Variants in NMNAT3 observed in about 807,000 individuals in gnomAD.
NMNAT3 encodes the protein nicotinamide nucleotide adenylyltransferase 3, also known as nicotinamide/nicotinic acid mononucleotide adenylyltransferase 3.
NMNAT3 carries 21 observed loss-of-function variants against 24.8 expected under a neutral mutation model. The observed-to-expected ratio is 0.85, with a 90% CI of 0.60 to 1.22. The LOEUF (loss-of-function observed/expected upper bound fraction) is 1.22. NMNAT3 is among the 50% of genes most tolerant of loss of function. The probability of loss-of-function intolerance (pLI) is 0.00; values close to 1 mark genes in which losing one functional copy is unlikely to be tolerated. For synonymous variants in NMNAT3, 136 were observed against 155.2 expected, an observed-to-expected ratio of 0.88 and a Z score of 0.92; for missense variants, 387 against 436.6, an observed-to-expected ratio of 0.89 and a Z score of 1.01.
intron 1 of NMNAT3, among the ~76,000 whole-genome samples, chr3:139,642,149 G>A (rs979179139): frequency 6.6e-6 from 1 of 152,158 alleles, no homozygotes; most frequent in Non-Finnish European, 1.5e-5. Context: ...GGACTACAAA[G>A]GGAAGGCCTA....
chr3:139,639,366 G>A (rs9838798), intron 1 of NMNAT3, among the ~76,000 whole-genome samples: 8,193 of 152,290 alleles, frequency 0.054, 289 homozygotes, highest in Non-Finnish European at 0.085. Context: ...GTAAGGCATT[G>A]GCTGCTGATT....
chr3:139,629,247 T>G (rs1470895961), intron 2 of NMNAT3, among the ~76,000 whole-genome samples: 7 of 152,132 alleles, frequency 4.6e-5, no homozygotes, highest in Non-Finnish European at 4.4e-5. Flanking sequence ...GCCCAGGAAG[T>G]GAGAGAGACC....
intron 3 of NMNAT3, among the ~76,000 whole-genome samples, chr3:139,589,032 G>C (rs1361461584): frequency 6.6e-6 from 1 of 152,130 alleles, no homozygotes; most frequent in African/African-American, 2.4e-5. Context: ...TGAGTGGACA[G>C]TCTAGGAAGA....
chr3:139,566,585 A>G (rs1314555210), intron 6 of NMNAT3: 1 of 152,122 alleles, frequency 6.6e-6, no homozygotes, highest in Non-Finnish European at 1.5e-5. Context: ...ACATATGGCT[A>G]GCCAGTTTTC....
At chr3:139,614,980 C>CT in intron 3 of NMNAT3, among the ~76,000 whole-genome samples, 1 of 152,264 alleles carries the variant, frequency 6.6e-6, no homozygotes, top group Middle Eastern at 3.4e-3. Context: ...GAGCCTTCCC[C>CT]TTTTTTGCAT....
chr3:139,637,600 C>T (rs937567414), intron 2 of NMNAT3: 4 of 152,256 alleles, frequency 2.6e-5, no homozygotes, highest in Admixed American at 1.3e-4. Context: ...TTGTCTCCCA[C>T]CCACCTTCTC....
chr3:139,591,381 G>C (rs1205904500), intron 3 of NMNAT3, among the ~76,000 whole-genome samples: 1 of 152,136 alleles, frequency 6.6e-6, no homozygotes, highest in South Asian at 2.1e-4. Flanking sequence ...AGGCGGCAAC[G>C]AGGCTCGGGA....
intron 1 of NMNAT3, among the ~76,000 whole-genome samples, chr3:139,672,405 T>G (rs2057789539): frequency 6.6e-6 from 1 of 152,194 alleles, no homozygotes; most frequent in Admixed American, 6.5e-5. Context: ...CTCAAAACCC[T>G]TTTCATAAAT....
intron 6 of NMNAT3, among the ~76,000 whole-genome samples, chr3:139,562,077 C>T (rs1258048419): frequency 6.6e-6 from 1 of 152,114 alleles, no homozygotes; most frequent in Non-Finnish European, 1.5e-5. Context: ...TTACTGTGGG[C>T]ACTACTACTA....
At chr3:139,673,257 A>G (rs990038020) in intron 1 of NMNAT3, among the ~76,000 whole-genome samples, 1 of 152,166 alleles carries the variant, frequency 6.6e-6, no homozygotes, top group South Asian at 2.1e-4. Flanking sequence ...GCTACCCAAG[A>G]TGAGATGTAT....
intron 1 of NMNAT3, among the ~76,000 whole-genome samples, chr3:139,646,386 T>C (rs907420133): frequency 8.5e-5 from 13 of 152,166 alleles, no homozygotes; most frequent in Non-Finnish European, 1.8e-4. Context: ...CCATTCACAT[T>C]CAATAGTTTT....
Position 139,573,598 on chromosome 3 carries a change from C to A in NMNAT3, c.658G>T (p.Ala220Ser). ...TACAGACAAGAGGATCAGCACCCAC[C>A]TGCAGGGGTCGAGAAGAGTGCCTTG... The change falls in exon 6 of 7, where the codon GCT (alanine) becomes TCT (serine). Residue 220 changes from alanine to serine, a missense_variant and splice_region_variant. Ala to Ser is a moderately conservative substitution (Grantham distance 99). This residue lies in a region of NMNAT3 where 323 missense variants were observed against 345.2 expected (regional missense o/e 0.94). Coordinates refer to ENST00000643695, the MANE Select transcript of NMNAT3 (RefSeq NM_001320510.2). The A allele has an allele frequency of 6.3e-7, 1 of 1,580,146 alleles. No homozygotes were observed. Among genetic ancestry groups the A allele is most frequent in the Non-Finnish European group, 8.6e-7 (1 of 1,160,850 alleles).
At chr3:139,615,224 G>A (rs946056030) in intron 3 of NMNAT3, among the ~76,000 whole-genome samples, 79 of 152,108 alleles carry the variant, frequency 5.2e-4, no homozygotes, top group African/African-American at 1.8e-3. Flanking sequence ...AGTTTATCTT[G>A]TATTTTCCAT....
intron 2 of NMNAT3, chr3:139,637,660 T>C (rs1042315043): frequency 1.1e-4 from 16 of 152,150 alleles, no homozygotes; most frequent in African/African-American, 3.4e-4. Context: ...TCATCTACCA[T>C]TCTCTAATGT....
At chr3:139,650,206 G>A (rs1245447458) in intron 1 of NMNAT3, among the ~76,000 whole-genome samples, 5 of 152,100 alleles carry the variant, frequency 3.3e-5, no homozygotes, top group African/African-American at 1.2e-4. Flanking sequence ...AATATGAAAT[G>A]TTTATTTTTT....
At chr3:139,625,556 A>T in intron 3 of NMNAT3, among the ~76,000 whole-genome samples, 1 of 152,196 alleles carries the variant, frequency 6.6e-6, no homozygotes. Context: ...AAGTGATGTT[A>T]TACCACTTTA....
intron 3 of NMNAT3, among the ~76,000 whole-genome samples, chr3:139,606,172 T>G (rs185330437): frequency 7.9e-5 from 12 of 152,320 alleles, no homozygotes; most frequent in Admixed American, 7.2e-4. Context: ...CATTTCTATT[T>G]CCCTATTGTT....
intron 1 of NMNAT3, among the ~76,000 whole-genome samples, chr3:139,653,952 G>A (rs1403260156): frequency 6.6e-6 from 1 of 152,178 alleles, no homozygotes; most frequent in African/African-American, 2.4e-5. Context: ...TCTGGTCAAG[G>A]GCAAATAGTG....
Position 139,627,676 on chromosome 3 carries a change from G to T in NMNAT3, c.49C>A (p.Pro17Thr). ...ATGCGCAGGTGCATGTTGGTGATGG[G>T]GTTAAAGGAGCCACAGGCCAGGAGC... The change falls in exon 3 of 7, where the codon CCC becomes ACC. Residue 17 changes from proline to threonine, a missense_variant. Physicochemically the swap from Pro to Thr is conservative, Grantham distance 38 (BLOSUM62 -1). Coordinates refer to ENST00000643695, the MANE Select transcript of NMNAT3 (RefSeq NM_001320510.2). The T allele has an allele frequency of 6.3e-7, 1 of 1,596,304 alleles. No individual in the cohort carries two copies. Among genetic ancestry groups the T allele is most frequent in the Non-Finnish European group, 8.5e-7 (1 of 1,178,586 alleles).
Sources: gnomAD v4.1 joint callset for allele counts (sites outside exome capture counted in the v4.1 genomes callset) on GRCh38, gnomAD v4.1.1 for gene constraint, gnomAD v4.1.1 regional missense constraint, MANE v1.5 for transcripts, NCBI Gene and HGNC (gene_info 2026-07-23, HGNC 2026-07-21) for gene names.